The following GUCY2F variants were observed in gnomAD, a reference collection of about 807,000 sequenced individuals.
The protein encoded by GUCY2F is guanylate cyclase 2F, retinal.
In GUCY2F, 61 loss-of-function variants were observed where a neutral mutation model predicts 73.1. That is an observed-to-expected ratio of 0.83 (90% confidence interval 0.68 to 1.03). The LOEUF (loss-of-function observed/expected upper bound fraction) is 1.03. GUCY2F is among the 50% of genes least tolerant of loss of function. GUCY2F has a pLI of 0.00. For synonymous variants in GUCY2F, 331 were observed against 307.8 expected (o/e 1.08, Z -0.79); for missense variants, 912 against 854.3 (o/e 1.07, Z -0.84).
At chrX:109,436,340 C>T (rs1603383242) in intron 7 of GUCY2F, among the ~76,000 whole-genome samples, 1 of 110,880 alleles carries the variant, frequency 9.0e-6, no homozygotes, top group Non-Finnish European at 1.9e-5. Context: ...GTTGGTGGGA[C>T]TGTAAACTAG....
chrX:109,413,175 C>T (rs1931152605), intron 8 of GUCY2F, among the ~76,000 whole-genome samples: 1 of 111,986 alleles, frequency 8.9e-6, no homozygotes, highest in Non-Finnish European at 1.9e-5. Context: ...AGAGAAGATC[C>T]CATATAAAGA....
At chrX:109,391,772 T>C (rs890491192) in intron 14 of GUCY2F, 139 bp downstream of exon 14, 2 of 353,189 alleles carry the variant, frequency 5.7e-6, no homozygotes, top group Non-Finnish European at 9.7e-6. Context: ...GATATACCAA[T>C]GGAAGGGGTG....
intron 7 of GUCY2F, among the ~76,000 whole-genome samples, chrX:109,434,787 T>A (rs1931699398): frequency 9.0e-6 from 1 of 111,535 alleles, no homozygotes; most frequent in African/African-American, 3.3e-5. Context: ...TTAATCCATC[T>A]TAAATTAATT....
At chrX:109,425,992 A>G (rs1208571510) in intron 8 of GUCY2F, among the ~76,000 whole-genome samples, 1 of 111,389 alleles carries the variant, frequency 9.0e-6, no homozygotes, top group African/African-American at 3.3e-5. Context: ...CCAATGAAGT[A>G]TAATGGAATT....
intron 1 of GUCY2F, among the ~76,000 whole-genome samples, chrX:109,479,442 A>T (rs1437035597): frequency 8.9e-6 from 1 of 111,842 alleles, no homozygotes; most frequent in African/African-American, 3.3e-5. Flanking sequence ...TCACCATGTG[A>T]CCTGAACAGA....
At chrX:109,459,973 A>T (rs1389042262) in intron 3 of GUCY2F, among the ~76,000 whole-genome samples, 1 of 111,998 alleles carries the variant, frequency 8.9e-6, no homozygotes, top group African/African-American at 3.2e-5. Context: ...GAAAAATACT[A>T]TATTGATAAC....
At chrX:109,466,972 C>T (rs919321278) in intron 2 of GUCY2F, among the ~76,000 whole-genome samples, 2 of 112,079 alleles carry the variant, frequency 1.8e-5, no homozygotes, top group Non-Finnish European at 3.8e-5. Flanking sequence ...TATGCACACA[C>T]CACAACATGA....
At chrX:109,471,869 C>T (rs1289464340) in intron 2 of GUCY2F, among the ~76,000 whole-genome samples, 1 of 111,913 alleles carries the variant, frequency 8.9e-6, no homozygotes, top group Non-Finnish European at 1.9e-5. Context: ...TAATTGAGAT[C>T]TATGTGCAAA....
At chrX:109,377,332 C>T (rs745479868) in intron 17 of GUCY2F, among the ~76,000 whole-genome samples, 3 of 111,679 alleles carry the variant, frequency 2.7e-5, no homozygotes, top group Admixed American at 9.5e-5. Context: ...TTTGAGCCCA[C>T]TCTGTTTTCA....
intron 2 of GUCY2F, among the ~76,000 whole-genome samples, chrX:109,473,175 C>T (rs1569377385): frequency 9.0e-6 from 1 of 111,261 alleles, no homozygotes; most frequent in Non-Finnish European, 1.9e-5. Context: ...GTCTTCACTC[C>T]CTTTAATCTC....
chrX:109,411,962 C>T (rs1358346054), intron 8 of GUCY2F, among the ~76,000 whole-genome samples: 1 of 111,859 alleles, frequency 8.9e-6, no homozygotes, highest in Non-Finnish European at 1.9e-5. Context: ...TTGTTAAAAC[C>T]ACAGGATTAG....
chrX:109,416,755 C>G (rs1931252684), intron 8 of GUCY2F, among the ~76,000 whole-genome samples: 1 of 110,403 alleles, frequency 9.1e-6, no homozygotes, highest in Non-Finnish European at 1.9e-5. Context: ...ACTTAAAGAT[C>G]TCAGAAGTTC....
intron 17 of GUCY2F, 108 bp from the exon 18 acceptor site, chrX:109,376,275 T>C (rs1930179441): frequency 3.8e-6 from 2 of 531,874 alleles, no homozygotes; most frequent in African/African-American, 4.6e-5. Flanking sequence ...CCTGGAGTCT[T>C]CCTCCCTACG....
chrX:109,422,537 T>A (rs1478440955), intron 8 of GUCY2F, among the ~76,000 whole-genome samples: 1 of 111,797 alleles, frequency 8.9e-6, no homozygotes, highest in Non-Finnish European at 1.9e-5. Context: ...TTTATGTCTT[T>A]TTAGCAGAAT....
At chrX:109,401,785 G>T (rs1411921136) in intron 10 of GUCY2F, among the ~76,000 whole-genome samples, 3 of 111,063 alleles carry the variant, frequency 2.7e-5, no homozygotes, top group Non-Finnish European at 5.7e-5. Context: ...TACTTAAGTT[G>T]AACCCTGAAG....
In GUCY2F at chrX:109,404,014, G is replaced by A. The variant is rs1338717996; in HGVS notation, c.2125+314C>T. ...AATTACTCTCCATTCAACTTGACAA[G>A]TATTTATTGAGCACCTACTGTGTGC... On this transcript the variant is annotated intron_variant, in intron 10 of 19. Transcript: ENST00000218006. 3.6e-5 allele frequency among the ~76,000 whole-genome samples: 4 copies of A among 112,485 alleles called. No individual in the cohort carries two copies. The East Asian group carries it at 1.1e-3, about 31-fold the overall frequency.
Position 109,475,611 on chromosome X carries a change from G to C in GUCY2F, c.326C>G (p.Ala109Gly). The change falls in exon 2 of 20, where the codon GCT becomes GGT. Residue 109 changes from alanine (A) to glycine (G), a missense_variant. Transcript: ENST00000218006. The stretch of plus-strand genomic sequence containing the variant: ...GTGGTGGGAAATGAAACTGGAGAGA[G>C]CCCTCGAAGTCTGGCAGTCTTCATT... Reference protein sequence around the residue: ...ILNEDCQTSRALSSFISHHQM... With the variant: ...ILNEDCQTSRGLSSFISHHQM... 1 of 1,209,992 alleles carries C rather than the reference G, an allele frequency of 8.3e-7. No homozygotes were observed. The highest frequency in any genetic ancestry group is 1.1e-6 in the Non-Finnish European group (1 of 893,959).
chrX:109,392,056 C>A lies in GUCY2F; in HGVS notation c.2636G>T (p.Gly879Val). The stretch of plus-strand genomic sequence containing the variant: ...GAAGTACAAGGTGACCAAGTCAAAG[C>A]CCTCAGGTTCAACTGTGCAGCCCTT... ...LKKGCTVEPE[G>V]FDLVTLYFSD... The change falls in exon 14 of 20, where the codon GGC (glycine) becomes GTC (valine). Residue 879 changes from glycine to valine, a missense_variant. Gly to Val is a moderately radical substitution (Grantham distance 109, BLOSUM62 -3). Coordinates refer to ENST00000218006, the MANE Select transcript of GUCY2F (RefSeq NM_001522.3). 1 of 1,208,962 alleles carries A rather than the reference C, an allele frequency of 8.3e-7. No homozygotes were observed. Among genetic ancestry groups the A allele is most frequent in the East Asian group, 3.0e-5 (1 of 33,759 alleles).
At chrX:109,473,594 G>T (rs1932618289) in intron 2 of GUCY2F, among the ~76,000 whole-genome samples, 1 of 111,172 alleles carries the variant, frequency 9.0e-6, no homozygotes, top group Admixed American at 9.6e-5. Flanking sequence ...AACCCTTGAC[G>T]TAAAGGAATC....
Sources: allele counts gnomAD v4.1 joint callset (sites outside exome capture counted in the v4.1 genomes callset), GRCh38; gene constraint gnomAD v4.1.1; transcripts MANE v1.5; gene names NCBI Gene and HGNC (gene_info 2026-07-23, HGNC 2026-07-21).